The following NLRP12 variants were observed in gnomAD, a reference collection of about 807,000 sequenced individuals.
NLRP12 encodes NACHT, LRR and PYD domains-containing protein 12.
NLRP12 carries 108 observed loss-of-function variants against 91.2 expected under a neutral mutation model. The ratio of observed to expected loss-of-function variants is 1.18; its 90% CI spans 1.01 to 1.39. The LOEUF (loss-of-function observed/expected upper bound fraction) is 1.39, where lower values mean the gene tolerates loss of function less well. NLRP12 is among the 40% of genes most tolerant of loss of function. The pLI is 0.00. For missense variants in NLRP12, 1,530 were observed against 1,352.7 expected, an observed-to-expected ratio of 1.13 and a Z score of -2.06; for synonymous variants, 613 against 566.7, an observed-to-expected ratio of 1.08 and a Z score of -1.16.
Position 53,795,975 on chromosome 19 carries a change from C to T in NLRP12, c.2982G>A (p.Leu994=), listed in dbSNP as rs745420714. The T allele has an allele frequency of 1.2e-6, 2 of 1,614,178 alleles. No homozygotes were observed. The highest frequency in any genetic ancestry group is 1.7e-6 in the Non-Finnish European group (2 of 1,180,032). The change falls in exon 9 of 10, where the codon CTG becomes CTA. Residue 994 remains leucine (L), a synonymous_variant. Transcript: ENST00000324134. ...AKACENLYFT[L]GINQTLTDLY... ...GGTCGGTCAAGGTCTGGTTGATCCC[C>T]AGGGTGAAGTAAAGATTCTCACAAG...
At chr19:53,816,817 C>CA in intron 1 of NLRP12, among the ~76,000 whole-genome samples, 1 of 150,514 alleles carries the variant, frequency 6.6e-6, no homozygotes, top group South Asian at 2.2e-4. Context: ...GCTGGGATTA[C>CA]AGGCGTGAGC....
chr19:53,795,780 G>A, intron 9 of NLRP12, 79 bp downstream of exon 9: 1 of 1,301,560 alleles, frequency 7.7e-7, no homozygotes, highest in Non-Finnish European at 1.1e-6. Flanking sequence ...TAACGTATTT[G>A]TCCATCCAGC....
intron 4 of NLRP12, among the ~76,000 whole-genome samples, chr19:53,806,509 G>A (rs936168523): frequency 1.7e-4 from 26 of 151,096 alleles, no homozygotes; most frequent in Non-Finnish European, 2.7e-4. Context: ...GTGAAACCCC[G>A]TCTCTACTAA....
intron 1 of NLRP12, among the ~76,000 whole-genome samples, chr19:53,822,575 A>G (rs1222885580): frequency 2.0e-5 from 3 of 151,896 alleles, no homozygotes; most frequent in African/African-American, 7.3e-5. Context: ...TACAAAAAAT[A>G]CAAATACAAA....
intron 6 of NLRP12, among the ~76,000 whole-genome samples, chr19:53,802,489 C>T (rs1053214667): frequency 4.0e-5 from 6 of 151,616 alleles, no homozygotes; most frequent in Non-Finnish European, 8.8e-5. Flanking sequence ...GGGCGGGTCA[C>T]GAGGTCAGGA....
intron 4 of NLRP12, 176 bp from the exon 5 acceptor site, chr19:53,805,626 T>C: frequency 1.5e-6 from 1 of 675,466 alleles, no homozygotes; most frequent in Non-Finnish European, 2.6e-6. Flanking sequence ...GAAGCAATCC[T>C]CCTGCCTTGG....
At position 53,810,991 on chromosome 19, in the gene NLRP12, T is replaced by C; in HGVS notation, c.668A>G (p.Lys223Arg). The change falls in exon 3 of 10, where the codon AAG becomes AGG. Residue 223 changes from lysine to arginine, a missense_variant. By Grantham distance (26) the Lys-to-Arg change is conservative. Coordinates refer to ENST00000324134, the MANE Select transcript of NLRP12 (RefSeq NM_144687.4). ...CATCACCTTGTGTGCCAGCATGGAC[T>C]TGCCTATCCCTGCCGCGCCTTGCAT... ...VVMQGAAGIG[K>R]SMLAHKVMLD... The C allele has an allele frequency of 6.2e-7, 1 of 1,614,166 alleles. No individual in the cohort carries two copies. The highest frequency in any genetic ancestry group is 2.2e-5 in the East Asian group (1 of 44,882).
Position 53,804,079 on chromosome 19 carries a change from C to G in NLRP12, c.2458G>C (p.Ala820Pro), listed in dbSNP as rs758809508. ...QLESGACQEM[A>P]SVLGTNPHLV... ...TGTGGGTTGGTGCCGAGCACAGAAG[C>G]CATCTCCTGACAAGCCCCGGACTCC... Residue 820 changes from alanine (A) to proline (P), a missense_variant, in exon 6 of 10, where the codon GCT becomes CCT. By Grantham distance (27) the Ala-to-Pro change is conservative (BLOSUM62 -1). Coordinates refer to ENST00000324134, the MANE Select transcript of NLRP12 (RefSeq NM_144687.4). 4 of 1,613,946 alleles carry G rather than the reference C, an allele frequency of 2.5e-6. No homozygotes were observed. In the African/African-American group the frequency reaches 4.0e-5, roughly 16 times the overall value.
intron 3 of NLRP12, among the ~76,000 whole-genome samples, chr19:53,809,224 T>TAA (rs3973673): frequency 2.2e-4 from 30 of 133,664 alleles, no homozygotes; most frequent in African/African-American, 5.7e-4. Context: ...AGACTTAGTT[T>TAA]AAAAAAAAAA....
rs758217141 is a variant in NLRP12, at chr19:53,810,399, A to AC, written c.1259dup (p.Gly421TrpfsTer57). 2 of 1,613,444 alleles carry AC rather than the reference A, an allele frequency of 1.2e-6. No individual in the cohort carries two copies. Among genetic ancestry groups the AC allele is most frequent in the Non-Finnish European group, 1.7e-6 (2 of 1,179,932 alleles). On this transcript the variant is annotated frameshift_variant, in exon 3 of 10. Coordinates refer to ENST00000324134, the MANE Select transcript of NLRP12 (RefSeq NM_144687.4). LOFTEE classifies it high-confidence loss of function. ...TGGACGTCTGTCTCAACAGCCCCCC[A>AC]CCCTCCAGCTGCTGCTGGAGGCAGG...
At position 53,807,593 on chromosome 19, in the gene NLRP12, C is replaced by G. The variant is rs746609254; in HGVS notation, c.2145G>C (p.Leu715=). Residue 715 remains leucine, a synonymous_variant, in exon 4 of 10, where the codon CTG becomes CTC. Coordinates refer to ENST00000324134, the MANE Select transcript of NLRP12 (RefSeq NM_144687.4). ...LAAALCTNPN[L]IELSLYRNAL... ...CATTTCGGTACAGAGACAGCTCTAT[C>G]AGGTTTGGATTGGTGCACAGGGCCG... 10 of 1,614,100 alleles carry G rather than the reference C, an allele frequency of 6.2e-6. No individual in the cohort carries two copies. The South Asian group carries it at 1.1e-4, about 18-fold the overall frequency.
Position 53,796,004 on chromosome 19 carries a change from T to G in NLRP12, c.2953A>C (p.Lys985Gln). The G allele has an allele frequency of 6.2e-7, 1 of 1,614,110 alleles. No individual in the cohort carries two copies. Among genetic ancestry groups the G allele is most frequent in the African/African-American group, 1.3e-5 (1 of 75,048 alleles). ...LWLDSCGLTA[K>Q]ACENLYFTLG... ...GTGAAGTAAAGATTCTCACAAGCCT[T>G]GGCTGTGAGGCCACAGCTATCCAGC... is the stretch of plus-strand genomic sequence containing the variant. Residue 985 changes from lysine (K) to glutamine (Q), a missense_variant, in exon 9 of 10, where the codon AAG becomes CAG. Coordinates refer to ENST00000324134, the MANE Select transcript of NLRP12 (RefSeq NM_144687.4).
chr19:53,804,005 C>G lies in NLRP12; in HGVS notation c.2532G>C (p.Leu844=), dbSNP rs150562829. Residue 844 remains leucine, a synonymous_variant, in exon 6 of 10, where the codon CTG becomes CTC. Coordinates refer to ENST00000324134, the MANE Select transcript of NLRP12 (RefSeq NM_144687.4). ...GCCTCAGTCCCTGGCATAGTAACCT[C>G]AGGCCCAAATCCTCCAGTGCATTTC... ...LTGNALEDLG[L]RLLCQGLRHP... is the part of the protein sequence containing the mutation. 7.4e-6 allele frequency: 12 copies of G among 1,614,180 alleles called. No individual in the cohort carries two copies. Among genetic ancestry groups the G allele is most frequent in the Non-Finnish European group, 1.0e-5 (12 of 1,180,030 alleles).
At position 53,820,509 on chromosome 19, in the gene NLRP12, G is replaced by A. The variant is rs1359993818; in HGVS notation, c.289+3377C>T. ...TGTGCCACTGCACTCCAGCCTGGGC[G>A]ACAGAGTGAGACTCTGTCTCAGAAA... On this transcript the variant is annotated intron_variant, in intron 1 of 9. Transcript: ENST00000324134. Among the ~76,000 whole-genome samples the A allele has an allele frequency of 1.1e-4, 17 of 150,098 alleles. 1 individual carries two copies. Among genetic ancestry groups the A allele is most frequent in the South Asian group, 4.2e-4 (2 of 4,720 alleles).
chr19:53,805,951 A>C (rs1600696202), intron 4 of NLRP12, among the ~76,000 whole-genome samples: 1 of 152,234 alleles, frequency 6.6e-6, no homozygotes, highest in East Asian at 1.9e-4. Context: ...AAGAAATTCA[A>C]GGCCATGTGC....
In NLRP12 at chr19:53,801,298, C is replaced by G; in HGVS notation, c.2685G>C (p.Glu895Asp). Residue 895 changes from glutamate (E) to aspartate (D), a missense_variant, in exon 7 of 10, where the codon GAG (glutamate) becomes GAC (aspartate). Coordinates refer to ENST00000324134, the MANE Select transcript of NLRP12 (RefSeq NM_144687.4). ...GCAGCAGCACCCCGAGGTCCCCCAGCTCATTCAGGCTCAGGTCCAGCTCTC... is the reference window on the plus strand; with the variant it reads ...GCAGCAGCACCCCGAGGTCCCCCAGGTCATTCAGGCTCAGGTCCAGCTCTC... ...SLRELDLSLNELGDLGVLLLC... is the reference protein window; with the variant it reads ...SLRELDLSLNDLGDLGVLLLC... 1 of 1,613,966 alleles carries G rather than the reference C, an allele frequency of 6.2e-7. No homozygotes were observed. The highest frequency in any genetic ancestry group is 8.5e-7 in the Non-Finnish European group (1 of 1,179,974).
Position 53,812,620 on chromosome 19 carries a change from C to T in NLRP12, c.371-1332G>A, listed in dbSNP as rs1039349066. Among the ~76,000 whole-genome samples the T allele has an allele frequency of 4.6e-5, 7 of 151,824 alleles. 1 individual carries two copies. Among genetic ancestry groups the T allele is most frequent in the African/African-American group, 2.4e-5 (1 of 41,326 alleles). ...CCCATAGCAAAGAACGCTCTGGCCC[C>T]GAAATGCCAACAGTGCCAATGTGGA... On this transcript the variant is annotated intron_variant, in intron 2 of 9. Coordinates refer to ENST00000324134, the MANE Select transcript of NLRP12 (RefSeq NM_144687.4).
Position 53,810,959 on chromosome 19 carries a change from A to G in NLRP12, c.700T>C (p.Trp234Arg), listed in dbSNP as rs368152701. The G allele has an allele frequency of 1.9e-6, 3 of 1,614,178 alleles. No homozygotes were observed. In the South Asian group the frequency reaches 3.3e-5, roughly 18 times the overall value. ...SMLAHKVMLD[W>R]ADGKLFQGRF... ...CCTTGGAAGAGCTTCCCGTCCGCCC[A>G]GTCCAGCATCACCTTGTGTGCCAGC... The change falls in exon 3 of 10, where the codon TGG (tryptophan) becomes CGG (arginine). Residue 234 changes from tryptophan (W) to arginine (R), a missense_variant. Transcript: ENST00000324134.
intron 1 of NLRP12, among the ~76,000 whole-genome samples, chr19:53,818,828 G>A (rs1005855517): frequency 1.3e-5 from 2 of 152,136 alleles, no homozygotes; most frequent in African/African-American, 4.8e-5. Context: ...AGAATCACGG[G>A]TTGAGGGTCT....
Sources: gnomAD v4.1 joint callset for allele counts (sites outside exome capture counted in the v4.1 genomes callset) on GRCh38, gnomAD v4.1.1 for gene constraint, MANE v1.5 for transcripts, NCBI Gene and HGNC (gene_info 2026-07-23, HGNC 2026-07-21) for gene names.